Variants in DOCK4 observed in about 807,000 individuals in gnomAD.
DOCK4 encodes dedicator of cytokinesis 4, also known as dedicator of cytokinesis protein 4.
In DOCK4, 97 loss-of-function variants were observed where a neutral mutation model predicts 268.1. That is an observed-to-expected ratio of 0.36 (90% CI 0.31 to 0.43). The LOEUF (loss-of-function observed/expected upper bound fraction) is 0.43. Ranked by LOEUF, DOCK4 falls within the 20% of genes least tolerant of loss-of-function variation. The pLI is 1.00. For missense variants in DOCK4, 2,145 were observed against 2,455.7 expected (o/e 0.87, Z 2.67); for synonymous variants, 954 against 887.2 (o/e 1.08, Z -1.34).
intron 43 of DOCK4, 85 bp downstream of exon 43, chr7:111,747,182 G>T: frequency 7.5e-7 from 1 of 1,339,990 alleles, no homozygotes; most frequent in Non-Finnish European, 1.0e-6. Flanking sequence ...TGCTGATATG[G>T]GTACATAGTC....
chr7:111,877,424 A>G (rs1806993838), intron 16 of DOCK4, among the ~76,000 whole-genome samples: 1 of 152,228 alleles, frequency 6.6e-6, no homozygotes, highest in African/African-American at 2.4e-5. Context: ...GTGAGTGACC[A>G]TATCAAATCA....
chr7:112,100,860 C>T (rs1189396504), intron 1 of DOCK4, among the ~76,000 whole-genome samples: 1 of 152,186 alleles, frequency 6.6e-6, no homozygotes, highest in African/African-American at 2.4e-5. Context: ...CACACACACA[C>T]ATCACCCAAA....
rs1450720710 is a variant in DOCK4, at chr7:112,004,031, T to C, written c.121+17A>G. The stretch of plus-strand genomic sequence containing the variant: ...GAACAGCCGTATGTTGAGGAGGTTG[T>C]TCATAAGGCTACTCACCATCACACT... On this transcript the variant is annotated intron_variant, in intron 2 of 52. Coordinates refer to ENST00000428084, the MANE Select transcript of DOCK4 (RefSeq NM_001363540.2). The C allele has an allele frequency of 6.3e-7, 1 of 1,579,798 alleles. No homozygotes were observed. The highest frequency in any genetic ancestry group is 1.8e-5 in the Admixed American group (1 of 56,754).
At chr7:111,917,207 C>T (rs1244251991) in intron 12 of DOCK4, among the ~76,000 whole-genome samples, 3 of 151,658 alleles carry the variant, frequency 2.0e-5, no homozygotes, top group Admixed American at 6.6e-5. Flanking sequence ...AGGATGGTCT[C>T]GAGCTCTTGA....
At chr7:111,904,888 C>T (rs1210099514) in intron 13 of DOCK4, among the ~76,000 whole-genome samples, 5 of 152,192 alleles carry the variant, frequency 3.3e-5, no homozygotes, top group African/African-American at 7.2e-5. Context: ...GAAATTAACA[C>T]GTTCACAAAA....
intron 1 of DOCK4, among the ~76,000 whole-genome samples, chr7:112,061,481 T>C (rs1159868895): frequency 2.6e-5 from 4 of 152,110 alleles, no homozygotes; most frequent in Admixed American, 2.0e-4. Context: ...AAACCAGGCC[T>C]TCCTTCACCG....
chr7:111,912,851 C>T (rs1792233355), intron 13 of DOCK4, among the ~76,000 whole-genome samples: 1 of 151,178 alleles, frequency 6.6e-6, no homozygotes, highest in Admixed American at 6.6e-5. Context: ...AACAATTAGA[C>T]TTTTTCTTTT....
At chr7:112,134,663 C>A (rs1002190560) in intron 1 of DOCK4, among the ~76,000 whole-genome samples, 1 of 152,188 alleles carries the variant, frequency 6.6e-6, no homozygotes, top group Non-Finnish European at 1.5e-5. Flanking sequence ...TTGCAGTGAG[C>A]TGAGATTGCG....
rs368845538 is a variant in DOCK4, at chr7:112,120,033, A to G, written c.37+86069T>C. Among the ~76,000 whole-genome samples the G allele has an allele frequency of 6.5e-4, 98 of 151,882 alleles. 1 individual carries two copies. The highest frequency in any genetic ancestry group is 4.0e-3 in the South Asian group (19 of 4,792). ...AGGCTAATCTTTTGTATTTTTAGTA[A>G]AGACGGGGTTTCACCATGTTAGCCA... On this transcript the variant is annotated intron_variant, in intron 1 of 52. Coordinates refer to ENST00000428084, the MANE Select transcript of DOCK4 (RefSeq NM_001363540.2).
intron 23 of DOCK4, among the ~76,000 whole-genome samples, chr7:111,856,848 T>C (rs1024373678): frequency 2.0e-5 from 3 of 152,168 alleles, no homozygotes; most frequent in Non-Finnish European, 4.4e-5. Flanking sequence ...TTTTTGAAAA[T>C]ATACTTTTAC....
intron 1 of DOCK4, among the ~76,000 whole-genome samples, chr7:112,176,835 A>G (rs997010489): frequency 7.9e-5 from 12 of 152,146 alleles, no homozygotes; most frequent in African/African-American, 2.9e-4. Context: ...CATAATATAA[A>G]AACAAGTTTG....
intron 1 of DOCK4, among the ~76,000 whole-genome samples, chr7:112,083,766 T>G (rs1038609273): frequency 2.6e-5 from 4 of 152,144 alleles, no homozygotes; most frequent in African/African-American, 9.7e-5. Context: ...GAATAATAAC[T>G]ACATATAGTA....
intron 22 of DOCK4, among the ~76,000 whole-genome samples, chr7:111,867,049 T>C (rs1455165333): frequency 6.6e-6 from 1 of 152,220 alleles, no homozygotes; most frequent in Admixed American, 6.5e-5. Flanking sequence ...GCCTGAGTTA[T>C]ATCCTTGCCC....
intron 11 of DOCK4, 139 bp downstream of exon 11, chr7:111,939,971 A>T: frequency 1.2e-6 from 1 of 834,750 alleles, no homozygotes; most frequent in Non-Finnish European, 1.9e-6. Context: ...CAACAAGTCT[A>T]CAGATTACTG....
chr7:112,184,032 T>C (rs1230730301), intron 1 of DOCK4, among the ~76,000 whole-genome samples: 1 of 152,156 alleles, frequency 6.6e-6, no homozygotes, highest in Non-Finnish European at 1.5e-5. Context: ...ACCTTGCCTC[T>C]CCTAGGACCA....
At chr7:111,845,906 A>AC in intron 24 of DOCK4, among the ~76,000 whole-genome samples, 1 of 152,250 alleles carries the variant, frequency 6.6e-6, no homozygotes, top group South Asian at 2.1e-4. Context: ...TCTTTATATA[A>AC]TTTTATAGAG....
intron 1 of DOCK4, among the ~76,000 whole-genome samples, chr7:112,026,490 GC>G (rs1158376551): frequency 1.3e-5 from 2 of 152,148 alleles, no homozygotes; most frequent in Non-Finnish European, 2.9e-5. Flanking sequence ...CTAAAAGAGG[GC>G]CAACAAATAA....
At chr7:111,818,701 C>T (rs752691975) in intron 27 of DOCK4, among the ~76,000 whole-genome samples, 15 of 152,210 alleles carry the variant, frequency 9.9e-5, no homozygotes, top group Non-Finnish European at 1.5e-5. Context: ...CTTCCTCCAC[C>T]AACCTCATCT....
chr7:112,081,924 CTT>C (rs989016092), intron 1 of DOCK4, among the ~76,000 whole-genome samples: 8 of 152,182 alleles, frequency 5.3e-5, no homozygotes, highest in African/African-American at 1.9e-4. Context: ...CAGAGACAGA[CTT>C]GGGTTGGGGC....
Sources: allele counts gnomAD v4.1 joint callset (sites outside exome capture counted in the v4.1 genomes callset), GRCh38; gene constraint gnomAD v4.1.1; transcripts MANE v1.5; gene names NCBI Gene and HGNC (gene_info 2026-07-23, HGNC 2026-07-21).